Variants in SYNE2 observed in about 807,000 individuals in gnomAD.
SYNE2 encodes the protein spectrin repeat containing nuclear envelope protein 2.
SYNE2 carries 431 observed loss-of-function variants against 856.3 expected under a neutral mutation model. The ratio of observed to expected loss-of-function variants is 0.50; its 90% CI spans 0.47 to 0.55. The LOEUF (loss-of-function observed/expected upper bound fraction) is 0.55, where lower values mean the gene tolerates loss of function less well. Ranked by LOEUF, SYNE2 falls within the 20% of genes least tolerant of loss-of-function variation. The pLI, the probability that SYNE2 is intolerant of heterozygous loss-of-function variation, is 0.00. For synonymous variants in SYNE2, 2,923 were observed against 2,872.3 expected (o/e 1.02, Z -0.56); for missense variants, 8,129 against 8,023.2 (o/e 1.01, Z -0.50).
At chr14:63,829,297 G>A (rs911317277) in intron 1 of SYNE2, among the ~76,000 whole-genome samples, 1 of 151,892 alleles carries the variant, frequency 6.6e-6, no homozygotes, top group African/African-American at 2.4e-5. Context: ...CGCACCTGTG[G>A]TACCAGCTAC....
chr14:63,974,495 A>C (rs769665344), intron 11 of SYNE2, among the ~76,000 whole-genome samples: 2 of 152,128 alleles, frequency 1.3e-5, no homozygotes, highest in Non-Finnish European at 2.9e-5. Flanking sequence ...CTGGGTATCA[A>C]ACTTAAACAT....
intron 2 of SYNE2, among the ~76,000 whole-genome samples, chr14:63,914,070 C>T (rs79174735): frequency 0.01 from 1,538 of 152,158 alleles, 29 homozygotes; most frequent in African/African-American, 0.035. Flanking sequence ...TTAATTCTTT[C>T]CATTTGGATT....
Position 63,967,745 on chromosome 14 carries a change from A to G in SYNE2, c.1027A>G (p.Lys343Glu), listed in dbSNP as rs1470676925. The G allele has an allele frequency of 6.2e-7, 1 of 1,614,198 alleles. No homozygotes were observed. The highest frequency in any genetic ancestry group is 1.7e-5 in the Admixed American group (1 of 60,034). Reference sequence around the variant, plus strand: ...CTTTATGGAGTCATTCAATGAAGAAAAAAAGTCCTTTTTGGATGTCCTGTC... The same window carrying G: ...CTTTATGGAGTCATTCAATGAAGAAGAAAAGTCCTTTTTGGATGTCCTGTC... ...LSFMESFNEE[K>E]KSFLDVLSIK... is the part of the protein sequence containing the mutation. The change falls in exon 11 of 116, where the codon AAA becomes GAA. Residue 343 changes from lysine (K) to glutamate (E), a missense_variant. Coordinates refer to ENST00000555002, the MANE Select transcript of SYNE2 (RefSeq NM_182914.3).
At chr14:63,982,151 C>A (rs2096590286) in intron 16 of SYNE2, among the ~76,000 whole-genome samples, 2 of 152,148 alleles carry the variant, frequency 1.3e-5, no homozygotes, top group Non-Finnish European at 2.9e-5. Context: ...GTTGTTGAAC[C>A]TGACTACTAA....
chr14:64,136,016 G>A (rs532816618), intron 78 of SYNE2, among the ~76,000 whole-genome samples: 4 of 152,144 alleles, frequency 2.6e-5, no homozygotes, highest in Admixed American at 6.5e-5. Flanking sequence ...TAGGCTGGGC[G>A]TGGTGGCTCA....
chr14:63,793,769 C>CG (rs1167935186), intron 1 of SYNE2, among the ~76,000 whole-genome samples: 1 of 140,186 alleles, frequency 7.1e-6, no homozygotes, highest in Non-Finnish European at 1.6e-5. Context: ...AGGCCCCCCC[C>CG]CAACTAAAAA....
At chr14:63,787,604 C>A (rs1305314507) in intron 1 of SYNE2, among the ~76,000 whole-genome samples, 1 of 152,184 alleles carries the variant, frequency 6.6e-6, no homozygotes, top group Non-Finnish European at 1.5e-5. Context: ...GTGGGTAGCT[C>A]CCCTCTGTAG....
chr14:64,013,323 ATTTT>A (rs57074861), intron 32 of SYNE2, among the ~76,000 whole-genome samples: 1 of 136,278 alleles, frequency 7.3e-6, no homozygotes, highest in Non-Finnish European at 1.6e-5. Flanking sequence ...TCCTCATTAA[ATTTT>A]TTTTTTTTTT....
chr14:64,044,357 C>T (rs573118821), intron 45 of SYNE2, among the ~76,000 whole-genome samples: 1 of 152,280 alleles, frequency 6.6e-6, no homozygotes, highest in East Asian at 1.9e-4. Flanking sequence ...AATACCTGTA[C>T]CCCCATTGTA....
Position 64,087,687 on chromosome 14 carries a change from C to G in SYNE2, c.11501C>G (p.Ser3834Ter). 1 of 1,614,000 alleles carries G rather than the reference C, an allele frequency of 6.2e-7. No homozygotes were observed. The highest frequency in any genetic ancestry group is 8.5e-7 in the Non-Finnish European group (1 of 1,179,968). ...ASTVQMALED[S>*]EQKHNLLHSI... The stretch of plus-strand genomic sequence containing the variant: ...TTTATCTAGATGGCTTTGGAAGATT[C>G]AGAACAGAAGCACAATCTTTTACAT... Residue 3834 changes from serine to a stop codon, truncating the protein, a stop_gained, in exon 58 of 116, where the codon TCA (serine) becomes TGA (stop). Coordinates refer to ENST00000555002, the MANE Select transcript of SYNE2 (RefSeq NM_182914.3). LOFTEE classifies it high-confidence loss of function.
chr14:64,100,547 T>TAGATATATAGATATATAG lies in SYNE2; in HGVS notation c.12382-1384_12382-1383insGATATATAGATATATAGA, dbSNP rs1272258147. Among the ~76,000 whole-genome samples, 26 of 85,584 alleles carry TAGATATATAGATATATAG rather than the reference T, an allele frequency of 3.0e-4. 3 individuals carry two copies. The Admixed American group carries it at 3.2e-3, about 10-fold the overall frequency. 56.1% of individuals were successfully genotyped at this position (85,584 alleles called of 152,430 possible). A position where few individuals can be genotyped will look rare whatever the true frequency, so the allele number is the denominator to read the frequency against. On this transcript the variant is annotated intron_variant, in intron 63 of 115. Transcript: ENST00000555002. ...AAAAAAAAAAATATATATATATATA[T>TAGATATATAGATATATAG]ATATATATATATATATATATATATT...
At chr14:63,761,679 G>A (rs1322809135), upstream of SYNE2, among the ~76,000 whole-genome samples, 1 of 152,202 alleles carries the variant, frequency 6.6e-6, no homozygotes, top group Admixed American at 6.5e-5. Flanking sequence ...GAGAAAGGCA[G>A]AAATGTCCTT....
chr14:63,982,573 A>G lies in SYNE2; in HGVS notation c.1837-57A>G, dbSNP rs919244252. 7 of 1,552,324 alleles carry G rather than the reference A, an allele frequency of 4.5e-6. No individual in the cohort carries two copies. The South Asian group carries it at 4.5e-5, about 10-fold the overall frequency. On this transcript the variant is annotated intron_variant, in intron 16 of 115. Transcript: ENST00000555002. The stretch of plus-strand genomic sequence containing the variant: ...AAGCCTTGGTGAACATTGATTATAC[A>G]TAATAGAAAGACAATATCGTGTCAT...
intron 1 of SYNE2, among the ~76,000 whole-genome samples, chr14:63,791,806 G>A (rs544712183): frequency 3.9e-5 from 6 of 152,202 alleles, no homozygotes; most frequent in South Asian, 4.1e-4. Context: ...TTAGCCGGGC[G>A]TGGTGGCAGG....
chr14:63,892,374 C>CT (rs577080329), intron 1 of SYNE2, among the ~76,000 whole-genome samples: 28 of 150,598 alleles, frequency 1.9e-4, no homozygotes, highest in East Asian at 9.8e-4. Context: ...TCCCCCCAAC[C>CT]TTTTTTTTTC....
intron 45 of SYNE2, among the ~76,000 whole-genome samples, chr14:64,039,815 A>G (rs2097133347): frequency 6.6e-6 from 1 of 152,198 alleles, no homozygotes; most frequent in African/African-American, 2.4e-5. Flanking sequence ...CCAGGGGCTT[A>G]GAATTTATAA....
At chr14:63,843,274 A>G (rs1372064977) in intron 1 of SYNE2, among the ~76,000 whole-genome samples, 1 of 151,834 alleles carries the variant, frequency 6.6e-6, no homozygotes, top group African/African-American at 2.4e-5. Flanking sequence ...GCTGGTCTCA[A>G]ACTCCAAGCG....
Position 64,186,482 on chromosome 14 carries a change from A to G in SYNE2, c.17615A>G (p.Lys5872Arg), listed in dbSNP as rs753837900. The G allele has an allele frequency of 8.7e-6, 14 of 1,614,250 alleles. No homozygotes were observed. Among genetic ancestry groups the G allele is most frequent in the Admixed American group, 5.0e-5 (3 of 60,032 alleles). Residue 5872 changes from lysine to arginine, a missense_variant, in exon 97 of 116, where the codon AAG (lysine) becomes AGG (arginine). By Grantham distance (26) the Lys-to-Arg change is conservative (BLOSUM62 2). Coordinates refer to ENST00000555002, the MANE Select transcript of SYNE2 (RefSeq NM_182914.3). ...TQNLKELQTM[K>R]ADLTRHVLVE... ...AACTTGAAAGAACTTCAAACTATGA[A>G]GGCGGACTTAACCCGGCACGTTCTC...
chr14:64,219,109 T>TTTTTTTTTTTG (rs2098681529), intron 109 of SYNE2, 99 bp from the exon 110 acceptor site: 1 of 871,120 alleles, frequency 1.1e-6, no homozygotes, highest in Non-Finnish European at 1.6e-6. Flanking sequence ...TTTTTGTTTT[T>TTTTTTTTTTTG]TTTTTTTTTT....
Sources: gnomAD v4.1 joint callset for allele counts (sites outside exome capture counted in the v4.1 genomes callset) on GRCh38, gnomAD v4.1.1 for gene constraint, MANE v1.5 for transcripts, NCBI Gene and HGNC (gene_info 2026-07-23, HGNC 2026-07-21) for gene names.